FMNL2: variants seen among roughly 807,000 people sequenced by gnomAD.
FMNL2 encodes the protein formin like 2.
Under a neutral mutation model 130.2 loss-of-function variants are expected in FMNL2, and 51 were observed. That is an observed-to-expected ratio of 0.39 (90% confidence interval 0.31 to 0.49). The LOEUF (loss-of-function observed/expected upper bound fraction) is 0.49, where lower values mean the gene tolerates loss of function less well. Among genes scored for constraint, FMNL2 ranks in the 20% least tolerant of loss-of-function variants. FMNL2 has a pLI of 0.85. For synonymous variants in FMNL2, 465 were observed against 467.1 expected (o/e 1.00, Z 0.06); for missense variants, 977 against 1,316.2 (o/e 0.74, Z 3.99).
At chr2:152,550,507 T>G (rs1467149958) in intron 4 of FMNL2, among the ~76,000 whole-genome samples, 1 of 152,174 alleles carries the variant, frequency 6.6e-6, no homozygotes, top group African/African-American at 2.4e-5. Context: ...CCAGAGAAGG[T>G]GAGTGAATTG....
chr2:152,616,051 T>C (rs1023324323), intron 12 of FMNL2, among the ~76,000 whole-genome samples: 4 of 152,222 alleles, frequency 2.6e-5, no homozygotes, highest in African/African-American at 9.6e-5. Context: ...TGTTATATGC[T>C]GAACCCAATC....
At chr2:152,348,417 G>T (rs1682254073) in intron 1 of FMNL2, among the ~76,000 whole-genome samples, 1 of 152,192 alleles carries the variant, frequency 6.6e-6, no homozygotes, top group African/African-American at 2.4e-5. Flanking sequence ...CCCAGCAAAT[G>T]ATTGCTGACT....
chr2:152,338,994 T>C (rs1168701643), intron 1 of FMNL2, among the ~76,000 whole-genome samples: 3 of 152,248 alleles, frequency 2.0e-5, no homozygotes, highest in Non-Finnish European at 4.4e-5. Context: ...TGTAAGGATG[T>C]ATATATTTCA....
At chr2:152,557,458 CT>C (rs1237597027) in intron 4 of FMNL2, among the ~76,000 whole-genome samples, 1 of 152,242 alleles carries the variant, frequency 6.6e-6, no homozygotes, top group Non-Finnish European at 1.5e-5. Flanking sequence ...AATCTTTCCA[CT>C]TTCCCACTTT....
chr2:152,439,079 TTGTGTGTGTG>T (rs10539703), intron 1 of FMNL2, among the ~76,000 whole-genome samples: 17 of 144,476 alleles, frequency 1.2e-4, no homozygotes, highest in Admixed American at 8.3e-4. Flanking sequence ...TTCAGTTTAA[TTGTGTGTGTG>T]TGTGTGTGTG....
At chr2:152,450,406 T>G (rs1688576415) in intron 1 of FMNL2, among the ~76,000 whole-genome samples, 1 of 152,366 alleles carries the variant, frequency 6.6e-6, no homozygotes, top group African/African-American at 2.4e-5. Flanking sequence ...AACAGTACCT[T>G]CAGGTACTAA....
Position 152,614,840 on chromosome 2 carries a change from C to T in FMNL2, c.1063-11C>T. On this transcript the variant is annotated splice_polypyrimidine_tract_variant and intron_variant, in intron 11 of 25. Transcript: ENST00000288670. ...AGCTAACACCACGTTCTCTCCTATT[C>T]TGGTTTTTAGAAGCTGAAACACACT... The T allele has an allele frequency of 6.2e-7, 1 of 1,600,620 alleles. No homozygotes were observed.
chr2:152,625,340 A>G, intron 15 of FMNL2, 98 bp from the exon 16 acceptor site: 1 of 1,404,450 alleles, frequency 7.1e-7, no homozygotes, highest in Non-Finnish European at 9.6e-7. Context: ...ACCTTCCTCC[A>G]GTGTCAAAGT....
chr2:152,517,662 C>G (rs984665085), intron 1 of FMNL2, among the ~76,000 whole-genome samples: 2 of 152,172 alleles, frequency 1.3e-5, no homozygotes, highest in Non-Finnish European at 2.9e-5. Context: ...AAATAATACT[C>G]TTGGATGATC....
chr2:152,546,821 C>T (rs1011528095), intron 3 of FMNL2, among the ~76,000 whole-genome samples: 1 of 152,176 alleles, frequency 6.6e-6, no homozygotes, highest in African/African-American at 2.4e-5. Context: ...TCTCTATATA[C>T]ACAGCAGACT....
intron 1 of FMNL2, among the ~76,000 whole-genome samples, chr2:152,386,777 C>T (rs72863436): frequency 1.1e-4 from 17 of 152,224 alleles, no homozygotes; most frequent in African/African-American, 1.4e-4. Context: ...TTTGGCATCC[C>T]GCCTCCCCAT....
chr2:152,536,452 G>A (rs1693998459), intron 2 of FMNL2, among the ~76,000 whole-genome samples: 1 of 152,152 alleles, frequency 6.6e-6, no homozygotes, highest in Non-Finnish European at 1.5e-5. Flanking sequence ...CTCAGCCTTT[G>A]GAAAGGATGC....
At chr2:152,600,264 T>G (rs1439899203) in intron 9 of FMNL2, among the ~76,000 whole-genome samples, 1 of 152,102 alleles carries the variant, frequency 6.6e-6, no homozygotes, top group Non-Finnish European at 1.5e-5. Flanking sequence ...GGGCCTATTG[T>G]AAGAGGAGAA....
At chr2:152,558,912 C>T in intron 5 of FMNL2, 89 bp downstream of exon 5, 2 of 1,140,840 alleles carry the variant, frequency 1.8e-6, no homozygotes, top group Non-Finnish European at 2.5e-6. Context: ...ACAGAGAGGG[C>T]AGAAACTCAG....
intron 9 of FMNL2, among the ~76,000 whole-genome samples, chr2:152,581,287 T>C (rs550511552): frequency 6.6e-6 from 1 of 152,346 alleles, no homozygotes; most frequent in Admixed American, 6.5e-5. Flanking sequence ...TTTTAATTTT[T>C]ATGTTTTTAG....
intron 6 of FMNL2, among the ~76,000 whole-genome samples, chr2:152,569,383 G>A (rs1444904222): frequency 6.6e-6 from 1 of 152,062 alleles, no homozygotes. Flanking sequence ...TTTCCCTATA[G>A]CGCCTGCTGC....
chr2:152,347,597 C>T (rs1355694005), intron 1 of FMNL2, among the ~76,000 whole-genome samples: 2 of 152,024 alleles, frequency 1.3e-5, no homozygotes, highest in Non-Finnish European at 2.9e-5. Flanking sequence ...CTTGGAATTA[C>T]GGATATGTAG....
At chr2:152,606,629 CTTTTTTTTTT>C (rs70974875) in intron 9 of FMNL2, among the ~76,000 whole-genome samples, 1 of 105,480 alleles carries the variant, frequency 9.5e-6, no homozygotes, top group Non-Finnish European at 1.9e-5. Flanking sequence ...TTTTTTGACT[CTTTTTTTTTT>C]TTTTTTTTTT....
chr2:152,636,706 C>T (rs904384996), intron 22 of FMNL2, 116 bp downstream of exon 22: 1 of 1,245,228 alleles, frequency 8.0e-7, no homozygotes, highest in Non-Finnish European at 1.1e-6. Context: ...TGGAGGGTAG[C>T]TTTCTTGTTG....
Sources: gnomAD v4.1 joint callset for allele counts (sites outside exome capture counted in the v4.1 genomes callset) on GRCh38, gnomAD v4.1.1 for gene constraint, MANE v1.5 for transcripts, NCBI Gene and HGNC (gene_info 2026-07-23, HGNC 2026-07-21) for gene names.